MYH1: variants seen among roughly 807,000 people sequenced by gnomAD.
The protein encoded by MYH1 is myosin-1.
In MYH1, 214 loss-of-function variants were observed where a neutral mutation model predicts 225.6. That is an observed-to-expected ratio of 0.95 (90% CI 0.85 to 1.06). The LOEUF (loss-of-function observed/expected upper bound fraction) is 1.06. Ranked by LOEUF, MYH1 falls within the 50% of genes least tolerant of loss-of-function variation. The probability of loss-of-function intolerance (pLI) is 0.00; values close to 1 mark genes in which losing one functional copy is unlikely to be tolerated. For missense variants in MYH1, 2,098 were observed against 2,344.2 expected (o/e 0.89, Z 2.17); for synonymous variants, 774 against 842.3 (o/e 0.92, Z 1.40).
At position 10,512,551 on chromosome 17, in the gene MYH1, C is replaced by T; in HGVS notation, c.1009-5G>A. The T allele has an allele frequency of 4.3e-6, 7 of 1,614,064 alleles. No individual in the cohort carries two copies. Among genetic ancestry groups the T allele is most frequent in the African/African-American group, 1.3e-5 (1 of 75,048 alleles). ...GCCCAGAATTTCAATGGCACTCTAC[C>T]ATGAGAGATGAGAAGACAAAGATTA... is the stretch of plus-strand genomic sequence containing the variant. On this transcript the variant is annotated splice_region_variant and splice_polypyrimidine_tract_variant and intron_variant, in intron 11 of 39. Transcript: ENST00000226207.
intron 2 of MYH1, 122 bp from the exon 3 acceptor site, chr17:10,516,804 C>A (rs1330473281): frequency 8.9e-6 from 7 of 788,290 alleles, no homozygotes; most frequent in Non-Finnish European, 2.0e-6. Context: ...GGTATGACCA[C>A]CTCCCTGGCT....
intron 6 of MYH1, among the ~76,000 whole-genome samples, chr17:10,514,633 T>A (rs1367787372): frequency 6.6e-6 from 1 of 152,160 alleles, no homozygotes; most frequent in Non-Finnish European, 1.5e-5. Context: ...ATTTTACACT[T>A]TCTACACACC....
rs1033746781 is a variant in MYH1, at chr17:10,498,815, C to T, written c.3992G>A (p.Ser1331Asn). ...GGACTGCAGGGCATGTGCCAGGGCACTCTTGGCCTGAGAACATAGAGATTG... is the reference window on the plus strand; with the variant it reads ...GGACTGCAGGGCATGTGCCAGGGCATTCTTGGCCTGAGAACATAGAGATTG... ...RQLEEEIKAK[S>N]ALAHALQSSR... The change falls in exon 30 of 40, where the codon AGT (serine) becomes AAT (asparagine). Residue 1331 changes from serine (S) to asparagine (N), a missense_variant. Physicochemically the swap from Ser to Asn is conservative, Grantham distance 46. Coordinates refer to ENST00000226207, the MANE Select transcript of MYH1 (RefSeq NM_005963.4). 1.2e-6 allele frequency: 2 copies of T among 1,614,054 alleles called. No homozygotes were observed. The highest frequency in any genetic ancestry group is 1.7e-5 in the Admixed American group (1 of 60,018).
chr17:10,514,821 T>C (rs762269537), intron 6 of MYH1, 47 bp downstream of exon 6: 1 of 1,569,308 alleles, frequency 6.4e-7, no homozygotes, highest in Non-Finnish European at 8.7e-7. Flanking sequence ...TTGTCATTTT[T>C]CCAGTAAGAA....
Position 10,497,934 on chromosome 17 carries a change from A to G in MYH1, c.4182-17T>C. ...AGCTTCTTCCTATGAAATATGGGCA[A>G]TAAAAGTGAATGGCTGTCAACTGAA... is the stretch of plus-strand genomic sequence containing the variant. On this transcript the variant is annotated splice_polypyrimidine_tract_variant and intron_variant, in intron 30 of 39. Transcript: ENST00000226207. 1 of 1,582,268 alleles carries G rather than the reference A, an allele frequency of 6.3e-7. No homozygotes were observed. The highest frequency in any genetic ancestry group is 1.4e-5 in the African/African-American group (1 of 73,046).
intron 6 of MYH1, 128 bp from the exon 7 acceptor site, chr17:10,514,252 C>T (rs931199361): frequency 1.2e-5 from 13 of 1,103,940 alleles, no homozygotes; most frequent in African/African-American, 4.8e-5. Context: ...ACATATAGCT[C>T]GTATTATTTC....
chr17:10,512,914 T>C lies in MYH1; in HGVS notation c.857A>G (p.Tyr286Cys), dbSNP rs775486152. ...AGACATGATCTGATAAAAAATATGA[T>C]AGCTTCTTTCAGCCTTTAGCTGGAA... ...VTFQLKAERS[Y>C]HIFYQIMSNK... Residue 286 changes from tyrosine to cysteine, a missense_variant, in exon 10 of 40, where the codon TAT becomes TGT. By Grantham distance (194) the Tyr-to-Cys change is radical. Transcript: ENST00000226207. The C allele has an allele frequency of 1.9e-5, 30 of 1,613,718 alleles. No individual in the cohort carries two copies. Among genetic ancestry groups the C allele is most frequent in the Non-Finnish European group, 2.4e-5 (28 of 1,179,776 alleles).
chr17:10,509,268 T>C (rs1004928609), intron 15 of MYH1, among the ~76,000 whole-genome samples: 1 of 152,200 alleles, frequency 6.6e-6, no homozygotes, highest in Non-Finnish European at 1.5e-5. Flanking sequence ...TAAGACTTTG[T>C]ATTGCAAACT....
intron 37 of MYH1, 63 bp from the exon 38 acceptor site, chr17:10,494,736 C>T: frequency 7.5e-6 from 12 of 1,603,974 alleles, no homozygotes; most frequent in Non-Finnish European, 1.0e-5. Flanking sequence ...TCACATGACC[C>T]ACATACTTCT....
At chr17:10,515,847 A>C (rs2073220522) in intron 5 of MYH1, 79 bp downstream of exon 5, 1 of 1,605,892 alleles carries the variant, frequency 6.2e-7, no homozygotes, top group Non-Finnish European at 8.5e-7. Flanking sequence ...GTTTTTTTCT[A>C]AAGGTCTTTT....
chr17:10,508,859 G>A (rs1412808844), intron 15 of MYH1, among the ~76,000 whole-genome samples, 187 bp from the exon 16 acceptor site: 1 of 152,186 alleles, frequency 6.6e-6, no homozygotes, highest in Non-Finnish European at 1.5e-5. Flanking sequence ...CAGGAGCCAC[G>A]TGCTGTATCA....
rs747212620 is a variant in MYH1, at chr17:10,505,037, C to T, written c.2464G>A (p.Val822Ile). ...RESIFCIQYN[V>I]RAFMNVKHWP... ...TGCTTCACATTCATGAAGGCACGGA[C>T]ATTGTACTGGATGCAGAAGATGGAC... Residue 822 changes from valine to isoleucine, a missense_variant, in exon 22 of 40, where the codon GTC (valine) becomes ATC (isoleucine). Coordinates refer to ENST00000226207, the MANE Select transcript of MYH1 (RefSeq NM_005963.4). The T allele has an allele frequency of 5.0e-6, 8 of 1,614,042 alleles. No individual in the cohort carries two copies. The highest frequency in any genetic ancestry group is 6.8e-6 in the Non-Finnish European group (8 of 1,180,050).
In MYH1 at chr17:10,500,615, A is replaced by G; in HGVS notation, c.3865+11T>C. The G allele has an allele frequency of 2.5e-6, 4 of 1,612,904 alleles. No homozygotes were observed. The highest frequency in any genetic ancestry group is 3.4e-6 in the Non-Finnish European group (4 of 1,180,016). ...TTTGTCATTCAAGGTCAGTACTGGT[A>G]CATGGCCCACCTGATTCTGTTTGCA... On this transcript the variant is annotated intron_variant, in intron 28 of 39. Transcript: ENST00000226207.
At chr17:10,509,914 A>G (rs1348399996) in intron 14 of MYH1, among the ~76,000 whole-genome samples, 1 of 152,198 alleles carries the variant, frequency 6.6e-6, no homozygotes, top group Admixed American at 6.5e-5. Flanking sequence ...ATTCTTAGCA[A>G]ACTAACGCAG....
Position 10,512,182 on chromosome 17 carries a change from C to T in MYH1, c.1158G>A (p.Lys386=), listed in dbSNP as rs1274984084. 6.2e-7 allele frequency: 1 copy of T among 1,613,918 alleles called. No homozygotes were observed. The highest frequency in any genetic ancestry group is 8.5e-7 in the Non-Finnish European group (1 of 1,179,830). Residue 386 remains lysine, a synonymous_variant, in exon 13 of 40, where the codon AAG becomes AAA. Coordinates refer to ENST00000226207, the MANE Select transcript of MYH1 (RefSeq NM_005963.4). The stretch of plus-strand genomic sequence containing the variant: ...AGTTCAGATTTTGGAGATAGGCTGC[C>T]TTGTCAGCAACTGCAGAAACATAAT... The part of the protein sequence containing the change: ...AEPDGTEVAD[K]AAYLQNLNSA...
intron 2 of MYH1, among the ~76,000 whole-genome samples, chr17:10,517,652 C>T (rs923411848): frequency 6.6e-6 from 1 of 152,068 alleles, no homozygotes; most frequent in African/African-American, 2.4e-5. Flanking sequence ...AATTAAAATG[C>T]TTCATCTTGC....
intron 30 of MYH1, among the ~76,000 whole-genome samples, chr17:10,498,273 A>G (rs2073016826): frequency 6.6e-6 from 1 of 152,218 alleles, no homozygotes; most frequent in Admixed American, 6.5e-5. Context: ...TAATCCCCAG[A>G]GGGAGAGTCT....
chr17:10,492,723 T>A (rs1019284555), intron 39 of MYH1, among the ~76,000 whole-genome samples, 155 bp from the exon 40 acceptor site: 22 of 152,200 alleles, frequency 1.4e-4, no homozygotes, highest in African/African-American at 3.1e-4. Flanking sequence ...TATTTTTTTT[T>A]ATTTTTGCAT....
chr17:10,507,802 C>G, intron 17 of MYH1, 84 bp downstream of exon 17: 2 of 1,150,648 alleles, frequency 1.7e-6, no homozygotes, highest in Non-Finnish European at 2.6e-6. Flanking sequence ...TTCTAGAATC[C>G]TTGCAAGGTT....
Sources: allele counts gnomAD v4.1 joint callset (sites outside exome capture counted in the v4.1 genomes callset), GRCh38; gene constraint gnomAD v4.1.1; transcripts MANE v1.5; gene names NCBI Gene and HGNC (gene_info 2026-07-23, HGNC 2026-07-21).